HECW2: variants seen among roughly 807,000 people sequenced by gnomAD.
HECW2 encodes HECT, C2 and WW domain containing E3 ubiquitin protein ligase 2, also known as E3 ubiquitin-protein ligase HECW2.
Under a neutral mutation model 175.2 loss-of-function variants are expected in HECW2, and 61 were observed. That is an observed-to-expected ratio of 0.35 (90% CI 0.28 to 0.43). The LOEUF is 0.43. HECW2 is among the 20% of genes least tolerant of loss of function. The pLI is 1.00. For missense variants in HECW2, 1,524 were observed against 2,000.5 expected, an observed-to-expected ratio of 0.76 and a Z score of 4.54; for synonymous variants, 671 against 731.0, an observed-to-expected ratio of 0.92 and a Z score of 1.32.
chr2:196,558,558 A>T (rs907217414), intron 1 of HECW2, among the ~76,000 whole-genome samples: 42 of 152,238 alleles, frequency 2.8e-4, no homozygotes, highest in Non-Finnish European at 2.5e-4. Flanking sequence ...AACGTGATTA[A>T]TTCACCAAAG....
intron 1 of HECW2, among the ~76,000 whole-genome samples, chr2:196,478,167 A>C (rs1159681626): frequency 6.6e-6 from 1 of 152,230 alleles, no homozygotes; most frequent in Non-Finnish European, 1.5e-5. Context: ...CTTGGTTGTG[A>C]GGCACAGAAA....
At chr2:196,395,950 C>T (rs1342715036) in intron 2 of HECW2, among the ~76,000 whole-genome samples, 1 of 152,130 alleles carries the variant, frequency 6.6e-6, no homozygotes, top group Non-Finnish European at 1.5e-5. Context: ...GAGCACTATT[C>T]ACAATAGCCA....
intron 2 of HECW2, among the ~76,000 whole-genome samples, chr2:196,424,232 T>G (rs1436486543): frequency 1.3e-5 from 2 of 152,088 alleles, no homozygotes; most frequent in Non-Finnish European, 2.9e-5. Context: ...GAATATTGTG[T>G]GTGTTCTGAC....
intron 1 of HECW2, among the ~76,000 whole-genome samples, chr2:196,466,335 A>G (rs1017026181): frequency 1.3e-5 from 2 of 152,306 alleles, no homozygotes. Context: ...TTACACTTCA[A>G]TGACTTTCCT....
chr2:196,502,002 C>A (rs1575610608), intron 1 of HECW2, among the ~76,000 whole-genome samples: 1 of 152,210 alleles, frequency 6.6e-6, no homozygotes, highest in African/African-American at 2.4e-5. Flanking sequence ...GCTTAGATTA[C>A]AATCACTCAA....
chr2:196,402,113 A>G (rs549228117), intron 2 of HECW2, among the ~76,000 whole-genome samples: 2 of 140,170 alleles, frequency 1.4e-5, no homozygotes, highest in South Asian at 4.7e-4. Context: ...AGGCAGGAGA[A>G]TGGCATGAAT....
intron 1 of HECW2, among the ~76,000 whole-genome samples, chr2:196,510,120 C>A (rs1442382408): frequency 6.6e-6 from 1 of 152,144 alleles, no homozygotes. Flanking sequence ...CTAGCAAGTG[C>A]CTCCCCCATC....
intron 21 of HECW2, among the ~76,000 whole-genome samples, chr2:196,234,220 T>C (rs1688157829): frequency 1.3e-5 from 2 of 152,078 alleles, no homozygotes. Context: ...TTCTTTAATG[T>C]TTTGGGTATT....
intron 23 of HECW2, among the ~76,000 whole-genome samples, chr2:196,225,513 T>C (rs1687819964): frequency 2.0e-5 from 3 of 152,146 alleles, no homozygotes; most frequent in Non-Finnish European, 4.4e-5. Context: ...AAGAAACACA[T>C]GCTGCAACAA....
rs376695476 is a variant in HECW2 at position 196,273,257 on chromosome 2, C to G, written c.3238+764G>C. The stretch of plus-strand genomic sequence containing the variant: ...TAATTTTTTGTATTTTTAGTAGAGA[C>G]GGGGTTTCACCGTGTTAGCCAGGAT... On this transcript the variant is annotated intron_variant, in intron 16 of 28. Transcript: ENST00000644978. Among the ~76,000 whole-genome samples, 11 of 152,016 alleles carry G rather than the reference C, an allele frequency of 7.2e-5. No individual in the cohort carries two copies. In the East Asian group the frequency reaches 1.9e-3, roughly 27 times the overall value.
chr2:196,236,736 T>G (rs12467325), intron 21 of HECW2, among the ~76,000 whole-genome samples: 19,652 of 152,218 alleles, frequency 0.13, 1,632 homozygotes, highest in African/African-American at 0.23. Flanking sequence ...ATGGTTGGAC[T>G]AGCATTATGT....
At chr2:196,539,316 T>A (rs1689128057) in intron 1 of HECW2, among the ~76,000 whole-genome samples, 1 of 152,162 alleles carries the variant, frequency 6.6e-6, no homozygotes, top group Non-Finnish European at 1.5e-5. Flanking sequence ...CAACTTTCCA[T>A]AAAATGTTGG....
intron 1 of HECW2, among the ~76,000 whole-genome samples, chr2:196,449,689 C>T (rs921715917): frequency 1.3e-5 from 2 of 152,122 alleles, no homozygotes; most frequent in Admixed American, 6.5e-5. Flanking sequence ...GAATGCTGCA[C>T]TACTAAAATG....
intron 1 of HECW2, among the ~76,000 whole-genome samples, chr2:196,581,816 C>T (rs1260657680): frequency 4.6e-5 from 7 of 152,020 alleles, no homozygotes; most frequent in Admixed American, 3.3e-4. Flanking sequence ...CCTGTAATCC[C>T]AGCACTCTGT....
Position 196,354,285 on chromosome 2 carries a change from A to C in HECW2, c.293-10521T>G, listed in dbSNP as rs150290626. Among the ~76,000 whole-genome samples, 1,101 of 152,322 alleles carry C rather than the reference A, an allele frequency of 7.2e-3. 3 individuals carry two copies. Among genetic ancestry groups the C allele is most frequent in the Middle Eastern group, 0.024 (7 of 294 alleles). On this transcript the variant is annotated intron_variant, in intron 2 of 28. Coordinates refer to ENST00000644978, the MANE Select transcript of HECW2 (RefSeq NM_001348768.2). ...GGGTTGTGGCCACCCCTGCCTGGGC[A>C]CCACCGCATTCCCATCAGGGTGACA...
At position 196,298,571 on chromosome 2, in the gene HECW2, A is replaced by G. The variant is rs563271782; in HGVS notation, c.2815-5821T>C. 4.5e-3 allele frequency among the ~76,000 whole-genome samples: 688 copies of G among 152,196 alleles called. 4 individuals carry two copies. The highest frequency in any genetic ancestry group is 7.7e-3 in the Admixed American group (118 of 15,296). ...GTGCAGGTTTGTTACATATGTATACATGTGCCATGTTGGTGTGCTGCACCC... is the reference window on the plus strand; with the variant it reads ...GTGCAGGTTTGTTACATATGTATACGTGTGCCATGTTGGTGTGCTGCACCC... On this transcript the variant is annotated intron_variant, in intron 13 of 28. Transcript: ENST00000644978.
chr2:196,419,514 C>G (rs191451833), intron 2 of HECW2, among the ~76,000 whole-genome samples: 1 of 152,236 alleles, frequency 6.6e-6, no homozygotes, highest in African/African-American at 2.4e-5. Context: ...CTTCCCATCT[C>G]TGAACCCATC....
chr2:196,584,594 A>C (rs922232667), intron 1 of HECW2, among the ~76,000 whole-genome samples: 10 of 152,288 alleles, frequency 6.6e-5, no homozygotes, highest in Admixed American at 2.0e-4. Flanking sequence ...AAATTAAAAA[A>C]AAAAAAACCT....
intron 2 of HECW2, among the ~76,000 whole-genome samples, chr2:196,380,723 G>A (rs900455600): frequency 6.6e-6 from 1 of 152,172 alleles, no homozygotes; most frequent in Non-Finnish European, 1.5e-5. Flanking sequence ...GCTGCCGTTA[G>A]TGGCTCGTAA....
Sources: allele counts gnomAD v4.1 joint callset (sites outside exome capture counted in the v4.1 genomes callset), GRCh38; gene constraint gnomAD v4.1.1; transcripts MANE v1.5; gene names NCBI Gene and HGNC (gene_info 2026-07-23, HGNC 2026-07-21).